MAPKAP1: variants seen among roughly 807,000 people sequenced by gnomAD.
The protein encoded by MAPKAP1 is MAPK associated protein 1, also known as target of rapamycin complex 2 subunit MAPKAP1.
MAPKAP1 carries 20 observed loss-of-function variants against 65.7 expected under a neutral mutation model. The ratio of observed to expected loss-of-function variants is 0.30; its 90% confidence interval spans 0.21 to 0.44. The LOEUF (loss-of-function observed/expected upper bound fraction) is 0.44. Ranked by LOEUF, MAPKAP1 falls within the 20% of genes least tolerant of loss-of-function variation. MAPKAP1 has a pLI of 1.00. For missense variants in MAPKAP1, 423 were observed against 648.0 expected, an observed-to-expected ratio of 0.65 and a Z score of 3.77; for synonymous variants, 222 against 244.3, an observed-to-expected ratio of 0.91 and a Z score of 0.85.
chr9:125,650,170 T>C (rs775939480), intron 4 of MAPKAP1, among the ~76,000 whole-genome samples: 2 of 152,202 alleles, frequency 1.3e-5, no homozygotes, highest in South Asian at 4.1e-4. Context: ...GTTACCACTC[T>C]CTCACCCAGA....
At chr9:125,547,951 A>C (rs929152931) in intron 6 of MAPKAP1, among the ~76,000 whole-genome samples, 2 of 152,202 alleles carry the variant, frequency 1.3e-5, no homozygotes, top group African/African-American at 4.8e-5. Flanking sequence ...TTTCAACAAC[A>C]TTTATTAAGA....
At chr9:125,616,614 T>C (rs1219419681) in intron 4 of MAPKAP1, among the ~76,000 whole-genome samples, 1 of 152,064 alleles carries the variant, frequency 6.6e-6, no homozygotes, top group Non-Finnish European at 1.5e-5. Flanking sequence ...ATTTCAATTA[T>C]ATTCTGAGAA....
At chr9:125,632,867 T>C (rs539209401) in intron 4 of MAPKAP1, among the ~76,000 whole-genome samples, 1 of 152,188 alleles carries the variant, frequency 6.6e-6, no homozygotes, top group South Asian at 2.1e-4. Flanking sequence ...CTGGAGAATA[T>C]CTCCAGCTTG....
intron 5 of MAPKAP1, among the ~76,000 whole-genome samples, chr9:125,573,797 T>C (rs1317707930): frequency 6.6e-6 from 1 of 152,194 alleles, no homozygotes; most frequent in African/African-American, 2.4e-5. Context: ...CCTGCCCCAA[T>C]GCCTCCTGTA....
At chr9:125,471,957 C>A (rs528438097) in intron 9 of MAPKAP1, 1 of 152,344 alleles carries the variant, frequency 6.6e-6, no homozygotes, top group African/African-American at 2.4e-5. Flanking sequence ...GGTTAGAAAT[C>A]CACTGTGTGC....
At chr9:125,656,917 A>G (rs1237615566) in intron 4 of MAPKAP1, among the ~76,000 whole-genome samples, 1 of 152,160 alleles carries the variant, frequency 6.6e-6, no homozygotes, top group East Asian at 1.9e-4. Flanking sequence ...ATGTTTCTAA[A>G]AGGAAAACAA....
At chr9:125,683,942 T>C (rs1181736787) in intron 1 of MAPKAP1, among the ~76,000 whole-genome samples, 1 of 152,222 alleles carries the variant, frequency 6.6e-6, no homozygotes, top group Non-Finnish European at 1.5e-5. Flanking sequence ...TTGGTAATGA[T>C]ACTCCTTTAT....
chr9:125,490,541 AAAAAC>A (rs1003520717), intron 8 of MAPKAP1, among the ~76,000 whole-genome samples: 7 of 152,194 alleles, frequency 4.6e-5, no homozygotes, highest in Admixed American at 1.3e-4. Context: ...CTCTGTCTCA[AAAAAC>A]AAAACAAAAC....
chr9:125,465,100 G>A (rs1288184177), intron 10 of MAPKAP1, among the ~76,000 whole-genome samples: 1 of 152,230 alleles, frequency 6.6e-6, no homozygotes, highest in Admixed American at 6.5e-5. Flanking sequence ...TTGGTCACAC[G>A]TTCCGGTCTT....
intron 1 of MAPKAP1, among the ~76,000 whole-genome samples, chr9:125,705,139 A>T (rs899937972): frequency 1.3e-5 from 2 of 152,144 alleles, no homozygotes; most frequent in Admixed American, 1.3e-4. Flanking sequence ...TTTAACATTC[A>T]TATGTTTTGT....
intron 10 of MAPKAP1, among the ~76,000 whole-genome samples, chr9:125,456,887 C>A (rs1853182350): frequency 6.6e-6 from 1 of 152,122 alleles, no homozygotes. Flanking sequence ...AATGTTACTG[C>A]TGTTTTAAGC....
At chr9:125,440,440 A>G (rs778429446) in intron 11 of MAPKAP1, among the ~76,000 whole-genome samples, 1 of 152,146 alleles carries the variant, frequency 6.6e-6, no homozygotes, top group Non-Finnish European at 1.5e-5. Flanking sequence ...CTTCACCTGC[A>G]AGTATCTAAA....
intron 1 of MAPKAP1, among the ~76,000 whole-genome samples, chr9:125,684,031 A>G (rs1163934611): frequency 6.6e-6 from 1 of 152,158 alleles, no homozygotes; most frequent in Admixed American, 6.5e-5. Context: ...AAACCCTTCT[A>G]TATCACCCAG....
chr9:125,598,170 T>G (rs1242605608), intron 4 of MAPKAP1, among the ~76,000 whole-genome samples: 1 of 152,122 alleles, frequency 6.6e-6, no homozygotes. Flanking sequence ...TTTTTTACAT[T>G]CAAAATGGTA....
At chr9:125,442,188 A>G (rs1852514911) in intron 11 of MAPKAP1, among the ~76,000 whole-genome samples, 1 of 150,240 alleles carries the variant, frequency 6.7e-6, no homozygotes, top group Non-Finnish European at 1.5e-5. Context: ...CTCATCTTCC[A>G]TCAGGCTCAT....
chr9:125,512,531 T>C (rs1829331320), intron 7 of MAPKAP1, among the ~76,000 whole-genome samples: 1 of 152,206 alleles, frequency 6.6e-6, no homozygotes. Flanking sequence ...TCGTTTAATC[T>C]TTATGTTTCT....
At chr9:125,687,928 ACTC>A (rs1835033066) in intron 1 of MAPKAP1, among the ~76,000 whole-genome samples, 1 of 152,306 alleles carries the variant, frequency 6.6e-6, no homozygotes, top group Non-Finnish European at 1.5e-5. Context: ...CATTAATTCA[ACTC>A]CTGATGAACA....
At chr9:125,455,104 T>G (rs890831767) in intron 10 of MAPKAP1, among the ~76,000 whole-genome samples, 54 of 152,186 alleles carry the variant, frequency 3.5e-4, no homozygotes, top group Non-Finnish European at 1.3e-4. Flanking sequence ...GCCTTGGCTT[T>G]GTGTCAGTGG....
intron 7 of MAPKAP1, among the ~76,000 whole-genome samples, chr9:125,528,966 A>G (rs1829855982): frequency 6.6e-6 from 1 of 151,764 alleles, no homozygotes; most frequent in Non-Finnish European, 1.5e-5. Flanking sequence ...GGAGTTCGAG[A>G]CCGGCCTGGC....
Sources: allele counts gnomAD v4.1 joint callset (sites outside exome capture counted in the v4.1 genomes callset), GRCh38; gene constraint gnomAD v4.1.1; transcripts MANE v1.5; gene names NCBI Gene and HGNC (gene_info 2026-07-23, HGNC 2026-07-21).